NRXN3: variants seen among roughly 807,000 people sequenced by gnomAD.
NRXN3 encodes neurexin III.
Under a neutral mutation model 137.6 loss-of-function variants are expected in NRXN3, and 32 were observed. The ratio of observed to expected loss-of-function variants is 0.23; its 90% CI spans 0.18 to 0.31. The LOEUF (loss-of-function observed/expected upper bound fraction) is 0.31, where lower values mean the gene tolerates loss of function less well. Among genes scored for constraint, NRXN3 ranks in the 10% least tolerant of loss-of-function variants. NRXN3 has a pLI of 1.00. For missense variants in NRXN3, 1,574 were observed against 2,062.5 expected (o/e 0.76, Z 4.59); for synonymous variants, 798 against 784.5 (o/e 1.02, Z -0.29).
At chr14:78,476,871 A>G (rs2095388539) in intron 4 of NRXN3, among the ~76,000 whole-genome samples, 2 of 152,208 alleles carry the variant, frequency 1.3e-5, no homozygotes, top group African/African-American at 4.8e-5. Context: ...AGATCCATTT[A>G]TCTTCCATAA....
In NRXN3 at chr14:79,643,218, A is replaced by G. The variant is rs969615989; in HGVS notation, c.3445-20560A>G. ...CTACAATGTCTCTAAAAATTATCCA[A>G]TAGTGTTTTTTAAAATATATATCAA... On this transcript the variant is annotated intron_variant, in intron 16 of 20. Transcript: ENST00000335750. 2.9e-5 allele frequency among the ~76,000 whole-genome samples: 4 copies of G among 135,908 alleles called. 1 individual carries two copies. The highest frequency in any genetic ancestry group is 4.6e-4 in the South Asian group (2 of 4,346). The allele number at this position is 135,908 out of a possible 152,430, so 89.2% of individuals were successfully genotyped here.
At position 78,243,808 on chromosome 14, in the gene NRXN3, A is replaced by T. The variant is rs1490265777; in HGVS notation, c.709+6A>T. The T allele has an allele frequency of 6.4e-7, 1 of 1,551,874 alleles. No homozygotes were observed. Among genetic ancestry groups the T allele is most frequent in the Non-Finnish European group, 8.6e-7 (1 of 1,156,628 alleles). Reference sequence around the variant, plus strand: ...TGGCAAGCTCTGCTCAGAAGGTAAGACCCTCTCCCTCTCTTGCTAGAGACC... The same window carrying T: ...TGGCAAGCTCTGCTCAGAAGGTAAGTCCCTCTCCCTCTCTTGCTAGAGACC... On this transcript the variant is annotated splice_donor_region_variant and intron_variant, in intron 2 of 20. Coordinates refer to ENST00000335750, the MANE Select transcript of NRXN3 (RefSeq NM_001330195.2). The surrounding 1 kb of genome is among the most constrained non-coding windows in gnomAD (Gnocchi z 4.2).
Position 78,287,858 on chromosome 14 carries a change from T to C in NRXN3, c.727+9196T>C, listed in dbSNP as rs553237473. Among the ~76,000 whole-genome samples the C allele has an allele frequency of 8.2e-4, 125 of 152,288 alleles. 1 individual carries two copies. Among genetic ancestry groups the C allele is most frequent in the African/African-American group, 2.9e-3 (119 of 41,546 alleles). On this transcript the variant is annotated intron_variant, in intron 3 of 20. Coordinates refer to ENST00000335750, the MANE Select transcript of NRXN3 (RefSeq NM_001330195.2). ...GTTTTAATTCTTTCTTCCAGGTCAT[T>C]GTTCTCTGAAAAATGACACATTTTA...
At chr14:78,526,708 A>T (rs2096385218) in intron 4 of NRXN3, 2 of 513,602 alleles carry the variant, frequency 3.9e-6, no homozygotes, top group Non-Finnish European at 7.8e-6. Flanking sequence ...TTCGTGCATT[A>T]TTATCTTTGT....
chr14:78,369,164 C>T (rs1172612435), intron 4 of NRXN3, among the ~76,000 whole-genome samples: 1 of 152,002 alleles, frequency 6.6e-6, no homozygotes, highest in Non-Finnish European at 1.5e-5. Flanking sequence ...GGATTTTAAG[C>T]ATCAGTCTTC....
intron 10 of NRXN3, among the ~76,000 whole-genome samples, chr14:78,886,712 T>C (rs926442881): frequency 6.6e-6 from 1 of 152,156 alleles, no homozygotes; most frequent in African/African-American, 2.4e-5. Flanking sequence ...AAAGAATCAT[T>C]TTGAGTTCAT....
intron 2 of NRXN3, among the ~76,000 whole-genome samples, chr14:78,267,753 G>A (rs567053443): frequency 1.1e-4 from 17 of 152,248 alleles, no homozygotes; most frequent in East Asian, 5.8e-4. Flanking sequence ...ACTTTGAAGC[G>A]TTCTCTGTCA....
Position 78,686,488 on chromosome 14 carries a change from G to T in NRXN3, c.1222-22729G>T, listed in dbSNP as rs569456078. ...ACATTGGAAAAGAAGACGCCTCCTG[G>T]AAAGCAGGTTTTGCCATTGGTGAGA... On this transcript the variant is annotated intron_variant, in intron 6 of 20. Transcript: ENST00000335750. Among the ~76,000 whole-genome samples, 7 of 152,266 alleles carry T rather than the reference G, an allele frequency of 4.6e-5. No individual in the cohort carries two copies. In the East Asian group the frequency reaches 1.4e-3, roughly 29 times the overall value.
At chr14:78,822,363 C>T (rs2098953083) in intron 10 of NRXN3, among the ~76,000 whole-genome samples, 1 of 152,104 alleles carries the variant, frequency 6.6e-6, no homozygotes, top group African/African-American at 2.4e-5. Context: ...TCATTACCCT[C>T]ATTTTAGAAA....
At chr14:78,235,559 A>G (rs572970938) in intron 1 of NRXN3, among the ~76,000 whole-genome samples, 1 of 151,942 alleles carries the variant, frequency 6.6e-6, no homozygotes, top group South Asian at 2.1e-4. Flanking sequence ...TTAGCCTGAC[A>G]TGACTTCTTA....
At chr14:78,566,153 G>A (rs567959042) in intron 4 of NRXN3, among the ~76,000 whole-genome samples, 87 of 151,624 alleles carry the variant, frequency 5.7e-4, no homozygotes, top group African/African-American at 2.0e-3. Flanking sequence ...CTCCCACCCC[G>A]CCCCCAACGC....
intron 6 of NRXN3, among the ~76,000 whole-genome samples, chr14:78,679,593 A>G (rs2098051826): frequency 6.6e-6 from 1 of 152,144 alleles, no homozygotes; most frequent in African/African-American, 2.4e-5. Context: ...GTGTATTGAA[A>G]TTTCTCTTCC....
At chr14:78,569,969 T>C (rs1009905599) in intron 4 of NRXN3, among the ~76,000 whole-genome samples, 1 of 152,256 alleles carries the variant, frequency 6.6e-6, no homozygotes, top group Non-Finnish European at 1.5e-5. Flanking sequence ...GGCACTGGCC[T>C]GGAGAATAAG....
At chr14:79,778,757 G>A (rs967011994) in intron 19 of NRXN3, among the ~76,000 whole-genome samples, 4 of 152,086 alleles carry the variant, frequency 2.6e-5, no homozygotes, top group African/African-American at 7.2e-5. Flanking sequence ...TTTCTTATAC[G>A]TTTTTACTAG....
intron 15 of NRXN3, among the ~76,000 whole-genome samples, chr14:79,331,981 CT>C (rs1247302994): frequency 6.6e-6 from 1 of 151,996 alleles, no homozygotes; most frequent in African/African-American, 2.4e-5. Flanking sequence ...AGGAAATGTG[CT>C]GATTAGATGG....
At chr14:79,429,525 G>A (rs1047053059) in intron 15 of NRXN3, among the ~76,000 whole-genome samples, 4 of 152,172 alleles carry the variant, frequency 2.6e-5, no homozygotes, top group Non-Finnish European at 5.9e-5. Flanking sequence ...GTCTAGCATA[G>A]TGCCTGGCAC....
intron 15 of NRXN3, among the ~76,000 whole-genome samples, chr14:79,255,056 T>C (rs1422986177): frequency 6.6e-6 from 1 of 152,220 alleles, no homozygotes; most frequent in Non-Finnish European, 1.5e-5. Flanking sequence ...GCATTCCTTC[T>C]TTCATAACAG....
chr14:78,871,580 A>G (rs745337641), intron 10 of NRXN3, among the ~76,000 whole-genome samples: 1 of 152,238 alleles, frequency 6.6e-6, no homozygotes, highest in Non-Finnish European at 1.5e-5. Context: ...TATTTAATTC[A>G]GTAAAATTTG....
chr14:78,437,414 T>C (rs930864797), intron 4 of NRXN3, among the ~76,000 whole-genome samples: 3 of 152,000 alleles, frequency 2.0e-5, no homozygotes, highest in African/African-American at 4.8e-5. Flanking sequence ...AGTGGCATGA[T>C]CTCAGCTCAC....
Sources: gnomAD v4.1 joint callset for allele counts (sites outside exome capture counted in the v4.1 genomes callset) on GRCh38, gnomAD v4.1.1 for gene constraint, Gnocchi (gnomAD v3.1) non-coding constraint, MANE v1.5 for transcripts, NCBI Gene and HGNC (gene_info 2026-07-23, HGNC 2026-07-21) for gene names.